The following KDM2B variants were observed in gnomAD, a reference collection of about 807,000 sequenced individuals.
The protein encoded by KDM2B is lysine-specific demethylase 2B.
In KDM2B, 26 loss-of-function variants were observed where a neutral mutation model predicts 150.0. The observed-to-expected ratio is 0.17, with a 90% CI of 0.13 to 0.24. The LOEUF (loss-of-function observed/expected upper bound fraction) is 0.24, where lower values mean the gene tolerates loss of function less well. KDM2B is among the 10% of genes least tolerant of loss of function. The pLI, the probability that KDM2B is intolerant of heterozygous loss-of-function variation, is 1.00. For synonymous variants in KDM2B, 734 were observed against 729.5 expected (o/e 1.01, Z -0.10); for missense variants, 1,265 against 1,816.9 (o/e 0.70, Z 5.52).
intron 12 of KDM2B, among the ~76,000 whole-genome samples, chr12:121,471,815 G>A (rs1255661297): frequency 2.0e-5 from 3 of 152,102 alleles, no homozygotes; most frequent in Non-Finnish European, 2.9e-5. Flanking sequence ...GTACCCTCCT[G>A]GACCAATGGG....
At chr12:121,435,304 A>G (rs1457874361) in intron 22 of KDM2B, among the ~76,000 whole-genome samples, 1 of 152,218 alleles carries the variant, frequency 6.6e-6, no homozygotes, top group Non-Finnish European at 1.5e-5. Flanking sequence ...TTACTACAAC[A>G]TAATTATTTT....
At chr12:121,560,476 G>A (rs938477820) in intron 4 of KDM2B, among the ~76,000 whole-genome samples, 6 of 152,290 alleles carry the variant, frequency 3.9e-5, no homozygotes, top group African/African-American at 1.4e-4. Context: ...GATGCAGGAG[G>A]TGGGTGGGGG....
At chr12:121,567,380 T>C (rs1396168248) in intron 4 of KDM2B, among the ~76,000 whole-genome samples, 2 of 152,158 alleles carry the variant, frequency 1.3e-5, no homozygotes, top group Admixed American at 1.3e-4. Flanking sequence ...ATCTTTAGGG[T>C]GAGCCCTCAT....
intron 4 of KDM2B, among the ~76,000 whole-genome samples, chr12:121,553,478 A>G (rs1450792146): frequency 1.3e-5 from 2 of 152,162 alleles, no homozygotes; most frequent in Non-Finnish European, 2.9e-5. Flanking sequence ...GTTAAAATTT[A>G]GAGGGTTCGG....
chr12:121,410,705 G>C, the KDM2B span, among the ~76,000 whole-genome samples: 1 of 152,092 alleles, frequency 6.6e-6, no homozygotes, highest in Admixed American at 6.6e-5. Context: ...CCTTCAATAT[G>C]ATGCTAAGGT....
chr12:121,410,123 C>T, the KDM2B span, among the ~76,000 whole-genome samples: 1 of 151,434 alleles, frequency 6.6e-6, no homozygotes, highest in African/African-American at 2.4e-5. Flanking sequence ...CATCGCACTC[C>T]AACCTGGGCA....
intron 12 of KDM2B, among the ~76,000 whole-genome samples, chr12:121,485,085 A>G (rs1425006316): frequency 2.0e-5 from 3 of 152,168 alleles, no homozygotes; most frequent in Non-Finnish European, 4.4e-5. Flanking sequence ...AGATCCTCCC[A>G]CAGCCCCAGA....
rs1887839067 is a variant in KDM2B, at chr12:121,533,601, A to G, written c.778-642T>C. 6.6e-6 allele frequency among the ~76,000 whole-genome samples: 1 copy of G among 152,212 alleles called. No homozygotes were observed. Among genetic ancestry groups the G allele is most frequent in the Admixed American group, 6.5e-5 (1 of 15,280 alleles). Reference sequence around the variant, plus strand: ...CTAGAGGCAGGTGGTGCTGGCAACTAGACTTTAAAGTAAAAAGGTCCCAGG... The same window carrying G: ...CTAGAGGCAGGTGGTGCTGGCAACTGGACTTTAAAGTAAAAAGGTCCCAGG... On this transcript the variant is annotated intron_variant, in intron 7 of 22. Transcript: ENST00000377071. The surrounding 1 kb of genome is among the most constrained non-coding windows in gnomAD (Gnocchi z 4.1).
chr12:121,411,131 A>C, the KDM2B span, among the ~76,000 whole-genome samples: 1 of 151,992 alleles, frequency 6.6e-6, no homozygotes, highest in Non-Finnish European at 1.5e-5. Context: ...GAGTCTCCCT[A>C]TGTTGCCCAG....
intron 12 of KDM2B, chr12:121,470,312 A>C (rs1555295741): frequency 6.6e-6 from 1 of 152,184 alleles, no homozygotes; most frequent in African/African-American, 2.4e-5. Context: ...GACAAACAAA[A>C]AAGTTGCCGC....
intron 11 of KDM2B, among the ~76,000 whole-genome samples, chr12:121,509,344 G>T (rs1057163784): frequency 6.6e-6 from 1 of 151,860 alleles, no homozygotes; most frequent in South Asian, 2.1e-4. Flanking sequence ...TTACAGGTGT[G>T]AGCCACCCCA....
At chr12:121,477,579 CTTTT>C (rs35681515) in intron 12 of KDM2B, among the ~76,000 whole-genome samples, 1 of 134,778 alleles carries the variant, frequency 7.4e-6, no homozygotes, top group Non-Finnish European at 1.6e-5. Flanking sequence ...TTTGTCTTTC[CTTTT>C]TTTTTTTTTT....
chr12:121,467,293 C>T lies in KDM2B; in HGVS notation c.1735-13949G>A, dbSNP rs1880155121. The stretch of plus-strand genomic sequence containing the variant: ...CGCCGCCCGCCCGGAGCAGGCTCGG[C>T]TCGCCCTGGCTCGGGCTCGGGCTCG... On this transcript the variant is annotated intron_variant, in intron 12 of 22. Coordinates refer to ENST00000377071, the MANE Select transcript of KDM2B (RefSeq NM_032590.5). The surrounding 1 kb of genome is among the most constrained non-coding windows in gnomAD (Gnocchi z 5.1). The T allele has an allele frequency of 2.0e-6, 2 of 984,474 alleles. No homozygotes were observed. Among genetic ancestry groups the T allele is most frequent in the South Asian group, 4.5e-5 (1 of 22,238 alleles). The allele number at this position is 984,474 out of a possible 1,614,324, so 61.0% of individuals were successfully genotyped here.
At chr12:121,437,933 T>G (rs941253624) in intron 22 of KDM2B, among the ~76,000 whole-genome samples, 10 of 151,776 alleles carry the variant, frequency 6.6e-5, no homozygotes, top group African/African-American at 2.4e-4. Flanking sequence ...GGTATAGAGA[T>G]ATGCCTTAGT....
At chr12:121,415,864 A>G in the KDM2B span, among the ~76,000 whole-genome samples, 3 of 77,666 alleles carry the variant, frequency 3.9e-5, no homozygotes, top group Admixed American at 4.7e-4. Context: ...TTTTTTTTAC[A>G]TGCCTGTGTA....
intron 1 of KDM2B, chr12:121,580,004 A>AAAAAAAGC: frequency 6.4e-7 from 1 of 1,566,794 alleles, no homozygotes; most frequent in Non-Finnish European, 8.6e-7. Flanking sequence ...AAAAAAAAAA[A>AAAAAAAGC]AAAAAAGCTA....
At position 121,467,285 on chromosome 12, in the gene KDM2B, A is replaced by G; in HGVS notation, c.1735-13941T>C. 4.1e-6 allele frequency: 4 copies of G among 985,584 alleles called. No homozygotes were observed. The highest frequency in any genetic ancestry group is 4.8e-6 in the Non-Finnish European group (4 of 830,904). The allele number at this position is 985,584 out of a possible 1,614,324, so 61.1% of individuals were successfully genotyped here. A position where few individuals can be genotyped will look rare whatever the true frequency, so the allele number is the denominator to read the frequency against. ...GCCGCCGCCGCCGCCCGCCCGGAGC[A>G]GGCTCGGCTCGCCCTGGCTCGGGCT... On this transcript the variant is annotated intron_variant, in intron 12 of 22. Coordinates refer to ENST00000377071, the MANE Select transcript of KDM2B (RefSeq NM_032590.5). This position sits in a 1 kb window ranked among gnomAD's most constrained non-coding sequence, Gnocchi z 5.1.
chr12:121,434,245 CAA>C (rs1363749884), intron 22 of KDM2B, among the ~76,000 whole-genome samples: 18 of 151,648 alleles, frequency 1.2e-4, no homozygotes, highest in Admixed American at 3.9e-4. Context: ...GGAATAGAAT[CAA>C]GAGCTCGGCC....
intron 4 of KDM2B, among the ~76,000 whole-genome samples, chr12:121,559,489 G>A (rs1555313451): frequency 6.6e-6 from 1 of 152,202 alleles, no homozygotes; most frequent in African/African-American, 2.4e-5. Context: ...CCCCCACGGG[G>A]CAGCAGGAAA....
Sources: allele counts gnomAD v4.1 joint callset (sites outside exome capture counted in the v4.1 genomes callset), GRCh38; gene constraint gnomAD v4.1.1; non-coding constraint Gnocchi (gnomAD v3.1); transcripts MANE v1.5; gene names NCBI Gene and HGNC (gene_info 2026-07-23, HGNC 2026-07-21).